The following KALRN variants were observed in gnomAD, a reference collection of about 807,000 sequenced individuals.
KALRN encodes the protein kalirin.
Under a neutral mutation model 353.7 loss-of-function variants are expected in KALRN, and 70 were observed. The observed-to-expected ratio is 0.20, with a 90% CI of 0.16 to 0.24. The LOEUF is 0.24. Ranked by LOEUF, KALRN falls within the 10% of genes least tolerant of loss-of-function variation. KALRN has a pLI of 1.00. For synonymous variants in KALRN, 1,391 were observed against 1,434.8 expected, an observed-to-expected ratio of 0.97 and a Z score of 0.69; for missense variants, 2,791 against 3,756.7, an observed-to-expected ratio of 0.74 and a Z score of 6.72.
At chr3:124,497,024 A>G (rs547672393) in intron 33 of KALRN, among the ~76,000 whole-genome samples, 18 of 152,310 alleles carry the variant, frequency 1.2e-4, no homozygotes, top group African/African-American at 4.3e-4. Flanking sequence ...TTGTTGTGTG[A>G]GAAAGCCTGG....
chr3:124,065,849 A>G (rs1413184460), intron 1 of KALRN, among the ~76,000 whole-genome samples: 1 of 152,214 alleles, frequency 6.6e-6, no homozygotes, highest in Non-Finnish European at 1.5e-5. Flanking sequence ...CAACTGTTTT[A>G]TTATTATTAC....
intron 1 of KALRN, among the ~76,000 whole-genome samples, chr3:124,186,511 A>G (rs2074248223): frequency 6.6e-6 from 1 of 152,202 alleles, no homozygotes; most frequent in African/African-American, 2.4e-5. Flanking sequence ...TTAAAGTGTG[A>G]TTGCCTTTTA....
intron 5 of KALRN, 128 bp downstream of exon 5, chr3:124,269,383 C>A: frequency 9.8e-7 from 1 of 1,019,252 alleles, no homozygotes; most frequent in Non-Finnish European, 1.4e-6. Flanking sequence ...CTAGTTTTAG[C>A]TAATGTAATT....
chr3:124,208,984 AATCATC>A (rs200377308), intron 1 of KALRN, among the ~76,000 whole-genome samples: 1 of 150,322 alleles, frequency 6.7e-6, no homozygotes, highest in African/African-American at 2.5e-5. Flanking sequence ...TAATAATAAT[AATCATC>A]ATCATCATCA....
intron 16 of KALRN, 89 bp downstream of exon 16, chr3:124,430,864 C>T (rs2093239252): frequency 6.8e-7 from 1 of 1,471,252 alleles, no homozygotes; most frequent in African/African-American, 1.4e-5. Context: ...GGTGTTCCTT[C>T]AGGCAGCGAA....
intron 1 of KALRN, among the ~76,000 whole-genome samples, chr3:124,190,630 C>G (rs1224838762): frequency 6.6e-6 from 1 of 152,144 alleles, no homozygotes; most frequent in Non-Finnish European, 1.5e-5. Flanking sequence ...TGAGATGGCT[C>G]TAACAGTTGG....
chr3:124,664,135 G>A (rs888539000), intron 45 of KALRN, among the ~76,000 whole-genome samples: 5 of 148,522 alleles, frequency 3.4e-5, no homozygotes, highest in East Asian at 3.9e-4. Flanking sequence ...TTCCCTTGGC[G>A]TTACATCAGG....
intron 14 of KALRN, among the ~76,000 whole-genome samples, chr3:124,415,206 CT>C (rs1407307430): frequency 9.2e-5 from 14 of 151,670 alleles, no homozygotes; most frequent in Middle Eastern, 3.4e-3. Context: ...TGTCTGGGGA[CT>C]TTTTTTTTAA....
intron 6 of KALRN, among the ~76,000 whole-genome samples, chr3:124,310,746 A>G (rs2078169212): frequency 6.6e-6 from 1 of 152,180 alleles, no homozygotes; most frequent in South Asian, 2.1e-4. Context: ...ACCTTACACT[A>G]AATTAAAAAT....
chr3:124,694,902 A>T, intron 53 of KALRN, among the ~76,000 whole-genome samples: 1 of 152,208 alleles, frequency 6.6e-6, no homozygotes, highest in Non-Finnish European at 1.5e-5. Context: ...GAGTTTTTAC[A>T]GTCACTGCCT....
At chr3:124,649,971 T>C (rs201974558) in intron 37 of KALRN, among the ~76,000 whole-genome samples, 1 of 77,470 alleles carries the variant, frequency 1.3e-5, no homozygotes, top group East Asian at 2.5e-4. Context: ...AATAAAATAA[T>C]AATAATAATA....
intron 51 of KALRN, 129 bp from the exon 52 acceptor site, chr3:124,693,674 CA>C: frequency 1.8e-6 from 1 of 567,488 alleles, no homozygotes; most frequent in Non-Finnish European, 3.1e-6. Flanking sequence ...AGTCACAACA[CA>C]GTGGGAAGTT....
intron 1 of KALRN, among the ~76,000 whole-genome samples, chr3:124,111,963 C>T (rs537185782): frequency 1.3e-5 from 2 of 152,128 alleles, no homozygotes; most frequent in Admixed American, 6.6e-5. Context: ...TCCAAGTGCT[C>T]CTGGTAGAGG....
At chr3:124,409,881 G>A (rs1053850400) in intron 13 of KALRN, among the ~76,000 whole-genome samples, 1 of 151,978 alleles carries the variant, frequency 6.6e-6, no homozygotes, top group East Asian at 1.9e-4. Flanking sequence ...GAAAGCTGTG[G>A]GCATCAGTGC....
At chr3:124,253,533 G>C (rs901066175) in intron 3 of KALRN, among the ~76,000 whole-genome samples, 4 of 152,206 alleles carry the variant, frequency 2.6e-5, no homozygotes, top group African/African-American at 7.2e-5. Context: ...ATCCTGCACT[G>C]TCAGCCCTGT....
intron 1 of KALRN, among the ~76,000 whole-genome samples, chr3:124,178,179 G>A (rs1460395947): frequency 6.6e-6 from 1 of 152,196 alleles, no homozygotes; most frequent in Non-Finnish European, 1.5e-5. Flanking sequence ...GGAAAATATA[G>A]TAGTTCCCCT....
At chr3:124,324,847 A>C (rs898163608) in intron 6 of KALRN, among the ~76,000 whole-genome samples, 3 of 152,224 alleles carry the variant, frequency 2.0e-5, no homozygotes, top group Non-Finnish European at 4.4e-5. Flanking sequence ...ACCTAGAGAA[A>C]ATGCTGTTAC....
chr3:124,637,795 C>T (rs1433404776), intron 37 of KALRN, among the ~76,000 whole-genome samples: 4 of 152,162 alleles, frequency 2.6e-5, no homozygotes, highest in South Asian at 2.1e-4. Context: ...GATACCTCAC[C>T]ACAATAAATT....
At position 124,398,908 on chromosome 3, in the gene KALRN, A is replaced by AGG. The variant is rs756933513; in HGVS notation, c.2346+37_2346+38insGG. The AGG allele has an allele frequency of 4.0e-5, 63 of 1,564,776 alleles. 1 individual carries two copies. The highest frequency in any genetic ancestry group is 5.5e-5 in the Non-Finnish European group (63 of 1,155,496). The stretch of plus-strand genomic sequence containing the variant: ...CCAGGAGGGGAGGTGGAGAGGGGCC[A>AGG]AGAAGTGCTTCCTGGCCAAGGGCAC... On this transcript the variant is annotated intron_variant, in intron 13 of 59. Transcript: ENST00000682506.
Sources: allele counts gnomAD v4.1 joint callset (sites outside exome capture counted in the v4.1 genomes callset), GRCh38; gene constraint gnomAD v4.1.1; transcripts MANE v1.5; gene names NCBI Gene and HGNC (gene_info 2026-07-23, HGNC 2026-07-21).